CRTAC1: variants seen among roughly 807,000 people sequenced by gnomAD.
CRTAC1 encodes cartilage acidic protein 1.
CRTAC1 carries 37 observed loss-of-function variants against 67.8 expected under a neutral mutation model. The observed-to-expected ratio is 0.55, with a 90% CI of 0.42 to 0.72. The LOEUF is 0.72. CRTAC1 is among the 30% of genes least tolerant of loss of function. The pLI, the probability that CRTAC1 is intolerant of heterozygous loss-of-function variation, is 0.00. For missense variants in CRTAC1, 780 were observed against 931.6 expected, an observed-to-expected ratio of 0.84 and a Z score of 2.12; for synonymous variants, 348 against 371.0, an observed-to-expected ratio of 0.94 and a Z score of 0.71.
At chr10:97,993,528 T>C (rs150463375) in intron 2 of CRTAC1, among the ~76,000 whole-genome samples, 2 of 152,218 alleles carry the variant, frequency 1.3e-5, no homozygotes, top group African/African-American at 4.8e-5. Flanking sequence ...CATATTCTTG[T>C]ATCTTCCAAA....
intron 4 of CRTAC1, among the ~76,000 whole-genome samples, chr10:97,922,317 C>A (rs1339458475): frequency 6.6e-6 from 1 of 152,214 alleles, no homozygotes; most frequent in African/African-American, 2.4e-5. Flanking sequence ...TACCTGGCAC[C>A]TGCCTTCTCC....
intron 2 of CRTAC1, among the ~76,000 whole-genome samples, chr10:97,999,467 C>A (rs991666662): frequency 1.3e-5 from 2 of 152,260 alleles, no homozygotes; most frequent in Non-Finnish European, 2.9e-5. Flanking sequence ...CGCCTGCTGC[C>A]TCTTCCCCCT....
chr10:97,986,768 A>C (rs751205118), intron 2 of CRTAC1, among the ~76,000 whole-genome samples: 6 of 152,238 alleles, frequency 3.9e-5, no homozygotes, highest in Non-Finnish European at 7.3e-5. Context: ...CAGGGGCAGG[A>C]AGGAAAAGTC....
chr10:97,877,408 C>G (rs2050160644), intron 14 of CRTAC1, among the ~76,000 whole-genome samples: 1 of 146,854 alleles, frequency 6.8e-6, no homozygotes. Context: ...ATTACTTTCA[C>G]TTACCATTGT....
intron 2 of CRTAC1, among the ~76,000 whole-genome samples, chr10:97,996,679 T>C (rs1200187442): frequency 6.6e-6 from 1 of 152,210 alleles, no homozygotes; most frequent in East Asian, 1.9e-4. Context: ...GGTGTGGTGA[T>C]TCCTCAGGGA....
chr10:97,873,690 A>C (rs893800625), intron 14 of CRTAC1, among the ~76,000 whole-genome samples: 4 of 152,188 alleles, frequency 2.6e-5, no homozygotes, highest in African/African-American at 9.7e-5. Flanking sequence ...GGGGCTGGCC[A>C]TGAAGAAGGA....
chr10:97,941,384 T>C (rs1394756549), intron 2 of CRTAC1, among the ~76,000 whole-genome samples: 1 of 152,074 alleles, frequency 6.6e-6, no homozygotes, highest in African/African-American at 2.4e-5. Flanking sequence ...CTCTCCCCTT[T>C]CACTATGGGA....
chr10:97,967,152 A>G (rs2051631761), intron 2 of CRTAC1, among the ~76,000 whole-genome samples: 1 of 151,992 alleles, frequency 6.6e-6, no homozygotes, highest in African/African-American at 2.4e-5. Context: ...TCCCTCATTT[A>G]TTTATTTATA....
At chr10:97,951,416 A>G (rs894110399) in intron 2 of CRTAC1, among the ~76,000 whole-genome samples, 6 of 152,214 alleles carry the variant, frequency 3.9e-5, no homozygotes, top group African/African-American at 1.4e-4. Flanking sequence ...TGCTTAAAAA[A>G]TTTATGTATA....
At chr10:97,893,040 T>C (rs2050400034) in intron 11 of CRTAC1, among the ~76,000 whole-genome samples, 2 of 152,242 alleles carry the variant, frequency 1.3e-5, no homozygotes, top group South Asian at 4.1e-4. Flanking sequence ...TTAAGTATCA[T>C]GTGACCTTGG....
intron 2 of CRTAC1, among the ~76,000 whole-genome samples, chr10:97,937,265 A>C (rs1180733584): frequency 2.0e-5 from 3 of 152,064 alleles, no homozygotes; most frequent in African/African-American, 7.2e-5. Context: ...CTGTTCCTCC[A>C]GACATCCACA....
In CRTAC1 at chr10:97,908,130, C is replaced by G. The variant is rs772814377; in HGVS notation, c.733G>C (p.Val245Leu). 1 of 1,614,118 alleles carries G rather than the reference C, an allele frequency of 6.2e-7. No individual in the cohort carries two copies. Among genetic ancestry groups the G allele is most frequent in the Non-Finnish European group, 8.5e-7 (1 of 1,180,002 alleles). ...GCACTGCTGCTGAGGATGGGGCCCA[C>G]GCTGACGCCTCGGCCCCCTAGAAAA... ...SKYTGGRGVS[V>L]GPILSSSASD... The change falls in exon 6 of 15, where the codon GTG becomes CTG. Residue 245 changes from valine to leucine, a missense_variant. Val to Leu is a conservative substitution (Grantham distance 32, BLOSUM62 1). Coordinates refer to ENST00000370597, the MANE Select transcript of CRTAC1 (RefSeq NM_018058.7).
chr10:97,875,471 C>T (rs1008901809), intron 14 of CRTAC1, among the ~76,000 whole-genome samples: 1 of 152,224 alleles, frequency 6.6e-6, no homozygotes, highest in Non-Finnish European at 1.5e-5. Context: ...GAGAGGCTGG[C>T]GTCATCTGTG....
chr10:97,984,915 A>T (rs533012422), intron 2 of CRTAC1, among the ~76,000 whole-genome samples: 1 of 152,258 alleles, frequency 6.6e-6, no homozygotes, highest in South Asian at 2.1e-4. Context: ...CTGACAGCCT[A>T]GCTCTGGTGC....
chr10:97,884,825 T>C (rs2050259023), intron 11 of CRTAC1, among the ~76,000 whole-genome samples: 3 of 151,984 alleles, frequency 2.0e-5, no homozygotes, highest in Non-Finnish European at 2.9e-5. Context: ...GTCTTTGGAG[T>C]CTGGCATTCA....
intron 2 of CRTAC1, among the ~76,000 whole-genome samples, chr10:97,955,925 A>C (rs2051433249): frequency 6.6e-6 from 1 of 152,206 alleles, no homozygotes; most frequent in Admixed American, 6.5e-5. Flanking sequence ...CTTTCTTGAT[A>C]TCTTTGATAA....
At chr10:97,897,452 T>C (rs560245122) in intron 8 of CRTAC1, among the ~76,000 whole-genome samples, 1 of 152,334 alleles carries the variant, frequency 6.6e-6, no homozygotes, top group African/African-American at 2.4e-5. Flanking sequence ...CTGCCTGTGT[T>C]ACAGCTCTGT....
intron 2 of CRTAC1, among the ~76,000 whole-genome samples, chr10:98,004,840 G>A (rs1291291723): frequency 2.6e-5 from 4 of 151,330 alleles, no homozygotes; most frequent in Non-Finnish European, 5.9e-5. Flanking sequence ...CAATAGAAAT[G>A]TACATAACAT....
In CRTAC1 at chr10:97,921,204, C is replaced by A. The variant is rs139280002; in HGVS notation, c.558+2060G>T. Among the ~76,000 whole-genome samples, 213 of 152,250 alleles carry A rather than the reference C, an allele frequency of 1.4e-3. 2 individuals carry two copies. The highest frequency in any genetic ancestry group is 4.9e-3 in the African/African-American group (202 of 41,554). On this transcript the variant is annotated intron_variant, in intron 4 of 14. Coordinates refer to ENST00000370597, the MANE Select transcript of CRTAC1 (RefSeq NM_018058.7). ...GGGGCCTGAGAATGTGCATTTCTAG[C>A]AATGCTGCTGCTGCTGGCCCAGAGG...
Sources: gnomAD v4.1 joint callset for allele counts (sites outside exome capture counted in the v4.1 genomes callset) on GRCh38, gnomAD v4.1.1 for gene constraint, MANE v1.5 for transcripts, NCBI Gene and HGNC (gene_info 2026-07-23, HGNC 2026-07-21) for gene names.